PTPRG: variants seen among roughly 807,000 people sequenced by gnomAD.
PTPRG encodes receptor-type tyrosine-protein phosphatase gamma.
Under a neutral mutation model 165.3 loss-of-function variants are expected in PTPRG, and 102 were observed. The observed-to-expected ratio is 0.62, with a 90% CI of 0.53 to 0.73. The LOEUF (loss-of-function observed/expected upper bound fraction) is 0.73. Ranked by LOEUF, PTPRG falls within the 30% of genes least tolerant of loss-of-function variation. The pLI is 0.00. For synonymous variants in PTPRG, 675 were observed against 669.5 expected (o/e 1.01, Z -0.13); for missense variants, 1,866 against 1,861.4 (o/e 1.00, Z -0.05).
chr3:62,002,180 G>A lies in PTPRG; in HGVS notation c.371-1169G>A, dbSNP rs2041186427. 3.3e-5 allele frequency among the ~76,000 whole-genome samples: 5 copies of A among 152,304 alleles called. No individual in the cohort carries two copies. The South Asian group carries it at 1.0e-3, about 32-fold the overall frequency. On this transcript the variant is annotated intron_variant, in intron 3 of 29. Transcript: ENST00000474889. The stretch of plus-strand genomic sequence containing the variant: ...TTTAATGCTTCCTTTATATAGAGAA[G>A]TACTGAAACTAATTGCAGTATTCTA...
chr3:62,271,353 T>A lies in PTPRG; in HGVS notation c.3010-30T>A. Reference sequence around the variant, plus strand: ...TTTCCAGAATGTCCACCCCCCCGCTTAAAGACATCTTTTTTCACTTTTCTC... The same window carrying A: ...TTTCCAGAATGTCCACCCCCCCGCTAAAAGACATCTTTTTTCACTTTTCTC... On this transcript the variant is annotated intron_variant, in intron 20 of 29. Coordinates refer to ENST00000474889, the MANE Select transcript of PTPRG (RefSeq NM_002841.4). The surrounding 1 kb of genome is among the most constrained non-coding windows in gnomAD (Gnocchi z 4.1). 1.3e-6 allele frequency: 2 copies of A among 1,561,056 alleles called. No individual in the cohort carries two copies. Among genetic ancestry groups the A allele is most frequent in the Non-Finnish European group, 1.7e-6 (2 of 1,148,714 alleles).
intron 1 of PTPRG, among the ~76,000 whole-genome samples, chr3:61,619,945 A>G (rs1337182914): frequency 6.6e-6 from 1 of 152,194 alleles, no homozygotes; most frequent in Non-Finnish European, 1.5e-5. Context: ...AAAGCATCTT[A>G]ATAAAACACA....
At chr3:61,932,277 T>C (rs1237513827) in intron 2 of PTPRG, among the ~76,000 whole-genome samples, 1 of 152,204 alleles carries the variant, frequency 6.6e-6, no homozygotes, top group Non-Finnish European at 1.5e-5. Flanking sequence ...AATGCAGCAC[T>C]GCATGGAATT....
intron 6 of PTPRG, among the ~76,000 whole-genome samples, chr3:62,137,939 C>T (rs1032913742): frequency 2.5e-4 from 38 of 152,206 alleles, no homozygotes; most frequent in South Asian, 2.1e-4. Context: ...GAATGGTTAT[C>T]GCTGAGTTCT....
chr3:62,170,489 A>G (rs943227854), intron 8 of PTPRG, among the ~76,000 whole-genome samples: 1 of 152,200 alleles, frequency 6.6e-6, no homozygotes, highest in Non-Finnish European at 1.5e-5. Flanking sequence ...TCAGCTGTAC[A>G]GAGAAAATGC....
chr3:62,120,160 G>A (rs1376464303), intron 5 of PTPRG, among the ~76,000 whole-genome samples: 1 of 151,996 alleles, frequency 6.6e-6, no homozygotes, highest in Non-Finnish European at 1.5e-5. Context: ...AACAACTACT[G>A]GTCTATCAGG....
intron 2 of PTPRG, among the ~76,000 whole-genome samples, chr3:61,942,082 C>A (rs2039645477): frequency 6.6e-6 from 1 of 151,808 alleles, no homozygotes; most frequent in Non-Finnish European, 1.5e-5. Context: ...TCACTTGAAC[C>A]CTTGTGGTGG....
intron 2 of PTPRG, among the ~76,000 whole-genome samples, chr3:61,841,531 G>C (rs1340501989): frequency 2.6e-5 from 4 of 152,224 alleles, no homozygotes; most frequent in African/African-American, 9.6e-5. Flanking sequence ...TATTGAATCC[G>C]TTTCACTGTC....
At chr3:61,817,721 G>A (rs973831770) in intron 2 of PTPRG, among the ~76,000 whole-genome samples, 1 of 152,314 alleles carries the variant, frequency 6.6e-6, no homozygotes, top group East Asian at 1.9e-4. Context: ...AGATGCCCAT[G>A]GGAAAGTGTG....
chr3:61,736,061 C>A (rs1180698898), intron 1 of PTPRG, among the ~76,000 whole-genome samples: 1 of 152,004 alleles, frequency 6.6e-6, no homozygotes. Flanking sequence ...GCGCAGGCCA[C>A]CATGCCTGGC....
chr3:61,894,974 G>A (rs1438827332), intron 2 of PTPRG, among the ~76,000 whole-genome samples: 1 of 152,108 alleles, frequency 6.6e-6, no homozygotes, highest in Non-Finnish European at 1.5e-5. Flanking sequence ...AGGGTATCTT[G>A]TACATTGTGG....
chr3:62,154,378 G>C (rs1704457084), intron 6 of PTPRG, among the ~76,000 whole-genome samples: 1 of 152,170 alleles, frequency 6.6e-6, no homozygotes, highest in Admixed American at 6.5e-5. Context: ...TGCACGTGCT[G>C]ATCAGCAAAA....
chr3:61,852,883 T>C (rs1161136481), intron 2 of PTPRG, among the ~76,000 whole-genome samples: 1 of 152,234 alleles, frequency 6.6e-6, no homozygotes, highest in African/African-American at 2.4e-5. Flanking sequence ...TGCATGGACT[T>C]GCAAAGGTCC....
chr3:61,635,923 T>A (rs1308322141), intron 1 of PTPRG, among the ~76,000 whole-genome samples: 1 of 152,234 alleles, frequency 6.6e-6, no homozygotes, highest in Non-Finnish European at 1.5e-5. Context: ...ATAGTGTGTT[T>A]TATTTTCCAA....
chr3:62,036,964 T>G (rs1227672383), intron 4 of PTPRG, among the ~76,000 whole-genome samples: 2 of 131,526 alleles, frequency 1.5e-5, no homozygotes, highest in Non-Finnish European at 3.2e-5. Context: ...CCCTCAGTGC[T>G]GCACGTGCGC....
At chr3:61,801,598 T>G (rs2035243757) in intron 2 of PTPRG, among the ~76,000 whole-genome samples, 1 of 151,660 alleles carries the variant, frequency 6.6e-6, no homozygotes, top group East Asian at 1.9e-4. Context: ...ATGGAAAAAA[T>G]GGAAAAGAAT....
intron 2 of PTPRG, chr3:61,771,079 A>G (rs992389686): frequency 1.3e-5 from 2 of 152,008 alleles, no homozygotes; most frequent in Non-Finnish European, 2.9e-5. Context: ...TTGTACTTGG[A>G]GTGGTCCGCA....
chr3:61,675,496 A>G (rs1398832580), intron 1 of PTPRG, among the ~76,000 whole-genome samples: 3 of 152,112 alleles, frequency 2.0e-5, no homozygotes, highest in African/African-American at 7.2e-5. Flanking sequence ...TGAGTCCCGT[A>G]TTTTTCTCAC....
At chr3:62,012,067 C>T (rs1015407082) in intron 4 of PTPRG, among the ~76,000 whole-genome samples, 4 of 152,152 alleles carry the variant, frequency 2.6e-5, no homozygotes, top group Non-Finnish European at 4.4e-5. Flanking sequence ...GTTGAAGTCA[C>T]TGATACTGGT....
Sources: allele counts gnomAD v4.1 joint callset (sites outside exome capture counted in the v4.1 genomes callset), GRCh38; gene constraint gnomAD v4.1.1; non-coding constraint Gnocchi (gnomAD v3.1); transcripts MANE v1.5; gene names NCBI Gene and HGNC (gene_info 2026-07-23, HGNC 2026-07-21).